The following GSKIP variants were observed in gnomAD, a reference collection of about 807,000 sequenced individuals.
The protein encoded by GSKIP is GSK3B interacting protein, also known as GSK3B-interacting protein.
GSKIP carries 5 observed loss-of-function variants against 11.9 expected under a neutral mutation model. The ratio of observed to expected loss-of-function variants is 0.42; its 90% CI spans 0.22 to 0.89. The LOEUF is 0.89. Ranked by LOEUF, GSKIP falls within the 40% of genes least tolerant of loss-of-function variation. GSKIP has a pLI of 0.29. For synonymous variants in GSKIP, 70 were observed against 62.9 expected (o/e 1.11, Z -0.54); for missense variants, 150 against 166.6 (o/e 0.90, Z 0.55).
At chr14:96,370,245 A>G (rs947372921) in intron 1 of GSKIP, among the ~76,000 whole-genome samples, 6 of 152,210 alleles carry the variant, frequency 3.9e-5, no homozygotes, top group African/African-American at 1.4e-4. Context: ...GCTGCAAGGA[A>G]CTTGCCTTGA....
chr14:96,385,883 G>A lies in GSKIP; in HGVS notation c.*199G>A, dbSNP rs938756023. ...GTTTCAGTAAGGGAATTCTGAGGCC[G>A]TTGCTATGATACCATCATTAAGACA... On this transcript the variant is annotated 3_prime_UTR_variant, in exon 4 of 4. Coordinates refer to ENST00000555181, the MANE Select transcript of GSKIP (RefSeq NM_016472.5). 10 of 498,650 alleles carry A rather than the reference G, an allele frequency of 2.0e-5. No homozygotes were observed. Among genetic ancestry groups the A allele is most frequent in the African/African-American group, 9.8e-5 (5 of 50,964 alleles). 30.9% of individuals were successfully genotyped at this position (498,650 alleles called of 1,614,324 possible).
rs77411149 is a variant in GSKIP at position 96,368,917 on chromosome 14, T to C, written c.-103+5349T>C. 9.1e-3 allele frequency among the ~76,000 whole-genome samples: 1,385 copies of C among 152,104 alleles called. 11 individuals carry two copies. The highest frequency in any genetic ancestry group is 0.012 in the Non-Finnish European group (823 of 67,974). On this transcript the variant is annotated intron_variant, in intron 1 of 3. Transcript: ENST00000555181. ...TTTAGAACTGGGTAATGGGCAGAGG[T>C]TGAAAGAGCTTGAAGGGCTCAGAAA...
At chr14:96,371,400 A>G (rs1422972624) in intron 1 of GSKIP, among the ~76,000 whole-genome samples, 1 of 151,744 alleles carries the variant, frequency 6.6e-6, no homozygotes, top group Non-Finnish European at 1.5e-5. Flanking sequence ...TCTTTTCACC[A>G]TAGGAAAATT....
intron 1 of GSKIP, among the ~76,000 whole-genome samples, chr14:96,367,513 T>C (rs184374731): frequency 6.6e-6 from 1 of 152,232 alleles, no homozygotes; most frequent in Non-Finnish European, 1.5e-5. Context: ...AGTGAAAATT[T>C]GCACTCCATA....
chr14:96,383,616 G>A (rs1401025977), intron 3 of GSKIP, among the ~76,000 whole-genome samples: 1 of 152,196 alleles, frequency 6.6e-6, no homozygotes, highest in African/African-American at 2.4e-5. Flanking sequence ...ATGATATCAA[G>A]TACATAAACA....
chr14:96,381,840 T>C (rs961087010), intron 2 of GSKIP, among the ~76,000 whole-genome samples: 2 of 152,200 alleles, frequency 1.3e-5, no homozygotes, highest in Non-Finnish European at 2.9e-5. Flanking sequence ...ATTGACAGTA[T>C]CTATTAAAAG....
intron 1 of GSKIP, among the ~76,000 whole-genome samples, chr14:96,365,478 G>A (rs1268686658): frequency 7.5e-6 from 1 of 134,086 alleles, no homozygotes; most frequent in Non-Finnish European, 1.6e-5. Context: ...TGGGGGTGGG[G>A]GGTGGGGCGG....
In GSKIP at chr14:96,382,155, A is replaced by G. The variant is rs1053050563; in HGVS notation, c.-1-92A>G. On this transcript the variant is annotated intron_variant, in intron 2 of 3. Coordinates refer to ENST00000555181, the MANE Select transcript of GSKIP (RefSeq NM_016472.5). ...TAGCTAGTGTTTTGTACTAAGGAGC[A>G]ATTGTAAGGCATAGCTAATTTTAAT... is the stretch of plus-strand genomic sequence containing the variant. 8.6e-6 allele frequency: 7 copies of G among 810,232 alleles called. No homozygotes were observed. In the African/African-American group the frequency reaches 1.2e-4, roughly 14 times the overall value. The allele number at this position is 810,232 out of a possible 1,614,324, so 50.2% of individuals were successfully genotyped here.
Position 96,385,519 on chromosome 14 carries a change from G to T in GSKIP, c.259-4G>T, listed in dbSNP as rs1385604105. 2 of 1,601,834 alleles carry T rather than the reference G, an allele frequency of 1.2e-6. No individual in the cohort carries two copies. Among genetic ancestry groups the T allele is most frequent in the East Asian group, 4.5e-5 (2 of 44,500 alleles). ...ATGAATTCACTGTTGCATTTCTCTTGTAGGTGGTAGGCTATGCTTTTGACC... is the reference window on the plus strand; with the variant it reads ...ATGAATTCACTGTTGCATTTCTCTTTTAGGTGGTAGGCTATGCTTTTGACC... On this transcript the variant is annotated splice_region_variant and splice_polypyrimidine_tract_variant and intron_variant, in intron 3 of 3. Transcript: ENST00000555181.
rs774261627 is a variant in GSKIP, at chr14:96,382,427, G to C, written c.180G>C (p.Ala60=). Reference sequence around the variant, plus strand: ...TTGTCTCGAAAAGCCTGCGGTGTGCGGATGATGTGGCCTATATCAATGTGG... The same window carrying C: ...TTGTCTCGAAAAGCCTGCGGTGTGCCGATGATGTGGCCTATATCAATGTGG... ...NMFVSKSLRC[A]DDVAYINVET... is the part of the protein sequence containing the mutation. Residue 60 remains alanine, a synonymous_variant, in exon 3 of 4, where the codon GCG becomes GCC. Coordinates refer to ENST00000555181, the MANE Select transcript of GSKIP (RefSeq NM_016472.5). The C allele has an allele frequency of 1.2e-6, 2 of 1,613,118 alleles. No individual in the cohort carries two copies. The highest frequency in any genetic ancestry group is 2.7e-5 in the African/African-American group (2 of 74,988).
intron 1 of GSKIP, among the ~76,000 whole-genome samples, chr14:96,374,835 T>C (rs1444519406): frequency 6.6e-6 from 1 of 152,198 alleles, no homozygotes. Context: ...AAAGAAGTTA[T>C]TCAGGCAGAA....
In GSKIP at chr14:96,385,603, A is replaced by G. The variant is rs1889468621; in HGVS notation, c.339A>G (p.Thr113=). The G allele has an allele frequency of 6.2e-7, 1 of 1,613,530 alleles. No individual in the cohort carries two copies. The highest frequency in any genetic ancestry group is 1.7e-5 in the Admixed American group (1 of 59,998). The part of the protein sequence containing the change: ...YHETVYSLLD[T]LSPAYREAFG... ...AAACAGTCTACTCCTTGTTGGATAC[A>G]CTCAGCCCCGCCTACCGAGAAGCAT... The change falls in exon 4 of 4, where the codon ACA becomes ACG. Residue 113 remains threonine, a synonymous_variant. Transcript: ENST00000555181.
At position 96,386,396 on chromosome 14, in the gene GSKIP, T is replaced by C. The variant is rs1007921659; in HGVS notation, c.*712T>C. 4 of 152,554 alleles carry C rather than the reference T, an allele frequency of 2.6e-5. No homozygotes were observed. The highest frequency in any genetic ancestry group is 7.2e-5 in the African/African-American group (3 of 41,440). 9.5% of individuals were successfully genotyped at this position (152,554 alleles called of 1,614,324 possible). ...CAAGATATCTAAGCACATAAGCAAA[T>C]ACAGGAACAGACTTCATTCTTTTTC... On this transcript the variant is annotated 3_prime_UTR_variant, in exon 4 of 4. Transcript: ENST00000555181.
Position 96,375,317 on chromosome 14 carries a change from A to G in GSKIP, c.-102-4371A>G, listed in dbSNP as rs79970342. On this transcript the variant is annotated intron_variant, in intron 1 of 3. Coordinates refer to ENST00000555181, the MANE Select transcript of GSKIP (RefSeq NM_016472.5). ...AGCAAATTCACACTCAACTATATCA[A>G]TAATTACAGTAATCAAATGTAAGTG... is the stretch of plus-strand genomic sequence containing the variant. 6.2e-3 allele frequency among the ~76,000 whole-genome samples: 938 copies of G among 152,336 alleles called. 5 individuals are homozygous for G. Among genetic ancestry groups the G allele is most frequent in the Middle Eastern group, 0.058 (17 of 294 alleles).
At chr14:96,371,538 G>A (rs1889047395) in intron 1 of GSKIP, among the ~76,000 whole-genome samples, 2 of 150,362 alleles carry the variant, frequency 1.3e-5, no homozygotes, top group African/African-American at 4.9e-5. Context: ...TCTGCCTCTC[G>A]GGTTCAAGAG....
Position 96,387,072 on chromosome 14 carries a change from T to C in GSKIP, c.*1388T>C, listed in dbSNP as rs2092371672. ...TTCATTGGAATGCTTTGTTTGATGA[T>C]GTATGTTCATTCTCAGCTTTATTTT... On this transcript the variant is annotated 3_prime_UTR_variant, in exon 4 of 4. Coordinates refer to ENST00000555181, the MANE Select transcript of GSKIP (RefSeq NM_016472.5). 1 of 152,238 alleles carries C rather than the reference T, an allele frequency of 6.6e-6. No individual in the cohort carries two copies. The highest frequency in any genetic ancestry group is 6.5e-5 in the Admixed American group (1 of 15,286). 9.4% of individuals were successfully genotyped at this position (152,238 alleles called of 1,614,324 possible). A position where few individuals can be genotyped will look rare whatever the true frequency, so the allele number is the denominator to read the frequency against.
chr14:96,375,905 C>T (rs919915655), intron 1 of GSKIP, among the ~76,000 whole-genome samples: 8 of 152,194 alleles, frequency 5.3e-5, no homozygotes, highest in Non-Finnish European at 1.2e-4. Context: ...TCTTACAGAG[C>T]CACCAGTTCC....
intron 1 of GSKIP, among the ~76,000 whole-genome samples, chr14:96,368,068 CTG>C (rs1888942417): frequency 6.7e-6 from 1 of 150,326 alleles, no homozygotes; most frequent in Admixed American, 6.6e-5. Flanking sequence ...AAATAAGAAA[CTG>C]TAATAACTGG....
In GSKIP at chr14:96,381,080, A is replaced by C. The variant is rs138680399; in HGVS notation, c.-1-1167A>C. 8.7e-4 allele frequency among the ~76,000 whole-genome samples: 132 copies of C among 152,348 alleles called. 1 individual carries two copies. Among genetic ancestry groups the C allele is most frequent in the African/African-American group, 3.0e-3 (125 of 41,576 alleles). ...TTTACTTTTAAAACCTGCCAAGCAAAAAGAAAGCACAATAGCTCACCATAA... is the reference window on the plus strand; with the variant it reads ...TTTACTTTTAAAACCTGCCAAGCAACAAGAAAGCACAATAGCTCACCATAA... On this transcript the variant is annotated intron_variant, in intron 2 of 3. Transcript: ENST00000555181.
Sources: allele counts gnomAD v4.1 joint callset (sites outside exome capture counted in the v4.1 genomes callset), GRCh38; gene constraint gnomAD v4.1.1; transcripts MANE v1.5; gene names NCBI Gene and HGNC (gene_info 2026-07-23, HGNC 2026-07-21).